The following NUP214 variants were observed in gnomAD, a reference collection of about 807,000 sequenced individuals.
NUP214 encodes the protein nuclear pore complex protein Nup214.
In NUP214, 79 loss-of-function variants were observed where a neutral mutation model predicts 196.2. That is an observed-to-expected ratio of 0.40 (90% CI 0.34 to 0.49). The LOEUF is 0.49. NUP214 is among the 20% of genes least tolerant of loss of function. NUP214 has a pLI of 0.58. For missense variants in NUP214, 2,468 were observed against 2,539.0 expected (o/e 0.97, Z 0.60); for synonymous variants, 1,020 against 990.5 (o/e 1.03, Z -0.56).
chr9:131,126,003 C>T (rs1246473313), intron 1 of NUP214: 1 of 534,388 alleles, frequency 1.9e-6, no homozygotes, highest in Non-Finnish European at 3.3e-6. Context: ...ACAATAGTGG[C>T]AATAACTGCT....
intron 31 of NUP214, among the ~76,000 whole-genome samples, chr9:131,219,495 G>A (rs2131088592): frequency 6.6e-6 from 1 of 152,292 alleles, no homozygotes; most frequent in African/African-American, 2.4e-5. Context: ...AAGACAAGCT[G>A]AGAACACCAG....
chr9:131,186,239 A>G (rs562228067), intron 24 of NUP214, among the ~76,000 whole-genome samples: 238 of 152,326 alleles, frequency 1.6e-3, no homozygotes, highest in African/African-American at 5.3e-3. Flanking sequence ...GCATATTTAT[A>G]GCTGCTTCTG....
intron 11 of NUP214, among the ~76,000 whole-genome samples, chr9:131,142,860 A>G (rs1313694853): frequency 6.6e-6 from 1 of 152,258 alleles, no homozygotes; most frequent in African/African-American, 2.4e-5. Context: ...CCATGAAGAT[A>G]AACTGCCATC....
chr9:131,130,137 G>GTTTTTTTTTTTGTTTTTT (rs1554728065), intron 4 of NUP214, among the ~76,000 whole-genome samples: 22 of 76,892 alleles, frequency 2.9e-4, no homozygotes, highest in Admixed American at 4.2e-4. Context: ...TTCTGGTTTT[G>GTTTTTTTTTTTGTTTTTT]TTTTTTTTTT....
rs753786324 is a variant in NUP214, at chr9:131,189,101, G to C, written c.3544G>C (p.Gly1182Arg). 1 of 1,613,908 alleles carries C rather than the reference G, an allele frequency of 6.2e-7. No homozygotes were observed. The highest frequency in any genetic ancestry group is 8.5e-7 in the Non-Finnish European group (1 of 1,179,902). ...GCCATCTGGGCCTACACCAGCATCC[G>C]GTCAGTTATCATCTGGTGACAAAGC... ...LKPSGPTPASGQLSSGDKASG... is the reference protein window; with the variant it reads ...LKPSGPTPASRQLSSGDKASG... The change falls in exon 26 of 36, where the codon GGT becomes CGT. Residue 1182 changes from glycine to arginine, a missense_variant. Gly to Arg is a moderately radical substitution (Grantham distance 125). This residue lies in a region of NUP214 where 1,801 missense variants were observed against 1,779.4 expected (regional missense o/e 1.01). Transcript: ENST00000359428.
At chr9:131,143,085 C>T (rs1287278623) in intron 11 of NUP214, among the ~76,000 whole-genome samples, 6 of 152,296 alleles carry the variant, frequency 3.9e-5, no homozygotes, top group Admixed American at 3.3e-4. Flanking sequence ...TGGCTCACTG[C>T]AGCCTCTGTC....
intron 16 of NUP214, among the ~76,000 whole-genome samples, chr9:131,151,391 T>C (rs1832258752): frequency 6.6e-6 from 1 of 152,240 alleles, no homozygotes; most frequent in Non-Finnish European, 1.5e-5. Flanking sequence ...CTTCAGACTC[T>C]CTGATTCCAG....
intron 18 of NUP214, among the ~76,000 whole-genome samples, chr9:131,161,584 G>A (rs1489689558): frequency 6.6e-6 from 1 of 152,002 alleles, no homozygotes; most frequent in Non-Finnish European, 1.5e-5. Context: ...ATTATATGTT[G>A]AACTACCTTG....
chr9:131,196,907 G>A (rs1833805465), intron 28 of NUP214, among the ~76,000 whole-genome samples: 1 of 152,212 alleles, frequency 6.6e-6, no homozygotes, highest in Admixed American at 6.5e-5. Flanking sequence ...GGTAAATTAA[G>A]GGAAGAGGCT....
In NUP214 at chr9:131,140,626, A is replaced by G; in HGVS notation, c.1210A>G (p.Ile404Val). 1.2e-6 allele frequency: 2 copies of G among 1,614,044 alleles called. No individual in the cohort carries two copies. Among genetic ancestry groups the G allele is most frequent in the Non-Finnish European group, 1.7e-6 (2 of 1,179,948 alleles). ...TDGVLCPFYMINQNPGVKSLI... is the reference protein window; with the variant it reads ...TDGVLCPFYMVNQNPGVKSLI... ...TGGTGTGCTTTGTCCATTTTATATG[A>G]TTAATCAAAATCCTGGGGTTAAGTC... The change falls in exon 11 of 36, where the codon ATT becomes GTT. Residue 404 changes from isoleucine to valine, a missense_variant. Around this residue, in one of 5 missense-constraint regions of NUP214, gnomAD observed 1,801 missense variants for 1,779.4 expected, o/e 1.01. Transcript: ENST00000359428.
In NUP214 at chr9:131,151,839, A is replaced by T. The variant is rs145524783; in HGVS notation, c.2381A>T (p.Tyr794Phe). The T allele has an allele frequency of 2.4e-5, 38 of 1,613,622 alleles. No individual in the cohort carries two copies. The highest frequency in any genetic ancestry group is 2.9e-5 in the Non-Finnish European group (34 of 1,179,924). The change falls in exon 17 of 36, where the codon TAT (tyrosine) becomes TTT (phenylalanine). Residue 794 changes from tyrosine (Y) to phenylalanine (F), a missense_variant. By Grantham distance (22) the Tyr-to-Phe change is conservative (BLOSUM62 3). This residue lies in a region of NUP214 where 1,801 missense variants were observed against 1,779.4 expected (regional missense o/e 1.01). Transcript: ENST00000359428. ...AATGAAAGAAATCGTGACTCTGGTT[A>T]TCTGCATTTGCTTTATAAAAGACCA... The part of the protein sequence containing the change: ...EQNERNRDSG[Y>F]LHLLYKRPLD...
intron 31 of NUP214, among the ~76,000 whole-genome samples, chr9:131,221,819 T>G (rs763130467): frequency 2.6e-5 from 4 of 152,258 alleles, no homozygotes; most frequent in Non-Finnish European, 5.9e-5. Flanking sequence ...GAAACGTGAG[T>G]TATTCCTTCC....
chr9:131,202,969 C>T (rs1218056966), intron 30 of NUP214, among the ~76,000 whole-genome samples: 1 of 149,672 alleles, frequency 6.7e-6, no homozygotes, highest in Non-Finnish European at 1.5e-5. Flanking sequence ...TTTTTGAGAC[C>T]GAGTGTCGCT....
chr9:131,190,938 T>A (rs1231190677), intron 26 of NUP214: 1 of 152,744 alleles, frequency 6.5e-6, no homozygotes, highest in Non-Finnish European at 1.5e-5. Flanking sequence ...AACCTCATTG[T>A]GTAGTTATAC....
intron 19 of NUP214, 67 bp from the exon 20 acceptor site, chr9:131,163,803 T>C (rs1336207677): frequency 3.6e-6 from 4 of 1,109,654 alleles, no homozygotes; most frequent in South Asian, 1.3e-5. Context: ...AAGAGGATAG[T>C]GTACCCCCGA....
At chr9:131,170,475 G>A (rs1354147135) in intron 21 of NUP214, among the ~76,000 whole-genome samples, 1 of 152,138 alleles carries the variant, frequency 6.6e-6, no homozygotes, top group African/African-American at 2.4e-5. Context: ...GTATATTTGG[G>A]TGTTCTTTAA....
intron 21 of NUP214, 69 bp from the exon 22 acceptor site, chr9:131,173,986 G>GGCT: frequency 1.4e-5 from 21 of 1,530,016 alleles, no homozygotes; most frequent in Non-Finnish European, 1.8e-5. Context: ...TTTATCAACA[G>GGCT]TGAAAATTAC....
intron 21 of NUP214, among the ~76,000 whole-genome samples, chr9:131,166,380 TTA>T (rs1564192321): frequency 6.6e-6 from 1 of 152,228 alleles, no homozygotes; most frequent in Non-Finnish European, 1.5e-5. Context: ...TGTAATTTAC[TTA>T]TTCATTCATT....
intron 8 of NUP214, among the ~76,000 whole-genome samples, chr9:131,135,709 C>G (rs1483973382): frequency 6.6e-6 from 1 of 152,178 alleles, no homozygotes; most frequent in East Asian, 1.9e-4. Context: ...TTGTGTCTTT[C>G]CTTTGTCTTC....
Sources: gnomAD v4.1 joint callset for allele counts (sites outside exome capture counted in the v4.1 genomes callset) on GRCh38, gnomAD v4.1.1 for gene constraint, gnomAD v4.1.1 regional missense constraint, MANE v1.5 for transcripts, NCBI Gene and HGNC (gene_info 2026-07-23, HGNC 2026-07-21) for gene names.